Variants in SDK1 observed in about 807,000 individuals in gnomAD.
The protein encoded by SDK1 is sidekick cell adhesion molecule 1, also known as protein sidekick-1.
In SDK1, 157 loss-of-function variants were observed where a neutral mutation model predicts 245.5. The observed-to-expected ratio is 0.64, with a 90% CI of 0.56 to 0.73. The LOEUF (loss-of-function observed/expected upper bound fraction) is 0.73. Among genes scored for constraint, SDK1 ranks in the 30% least tolerant of loss-of-function variants. The pLI is 0.00. For synonymous variants in SDK1, 1,647 were observed against 1,278.5 expected, an observed-to-expected ratio of 1.29 and a Z score of -6.15; for missense variants, 3,583 against 3,002.3, an observed-to-expected ratio of 1.19 and a Z score of -4.52.
chr7:4,164,479 G>T (rs1781367766), intron 32 of SDK1, among the ~76,000 whole-genome samples: 1 of 152,174 alleles, frequency 6.6e-6, no homozygotes, highest in South Asian at 2.1e-4. Flanking sequence ...AAATGGAAAT[G>T]CAAAGTCCCA....
chr7:3,335,804 T>A (rs1355445741), intron 1 of SDK1, among the ~76,000 whole-genome samples: 2 of 151,850 alleles, frequency 1.3e-5, no homozygotes, highest in African/African-American at 4.8e-5. Context: ...GATGAAGAAA[T>A]GGGAATGGGC....
At chr7:4,200,533 G>T (rs189899125) in intron 35 of SDK1, among the ~76,000 whole-genome samples, 3 of 152,230 alleles carry the variant, frequency 2.0e-5, no homozygotes, top group African/African-American at 7.2e-5. Context: ...AAGTTCGACC[G>T]GGGAAGGATG....
At chr7:3,741,502 G>T in intron 4 of SDK1, among the ~76,000 whole-genome samples, 1 of 152,172 alleles carries the variant, frequency 6.6e-6, no homozygotes, top group East Asian at 1.9e-4. Context: ...TAAAACTGTT[G>T]TGTATGTATT....
At chr7:3,514,016 C>G (rs1782658100) in intron 1 of SDK1, among the ~76,000 whole-genome samples, 2 of 152,182 alleles carry the variant, frequency 1.3e-5, no homozygotes, top group African/African-American at 4.8e-5. Context: ...ACCATGTTCT[C>G]TTTATTCAGT....
At chr7:3,598,693 T>C (rs1008180034) in intron 1 of SDK1, among the ~76,000 whole-genome samples, 8 of 152,236 alleles carry the variant, frequency 5.3e-5, no homozygotes, top group African/African-American at 1.4e-4. Flanking sequence ...AAGAATATTA[T>C]ATAAAAGGAA....
chr7:3,811,711 G>A (rs569365051), intron 4 of SDK1, among the ~76,000 whole-genome samples: 3 of 152,298 alleles, frequency 2.0e-5, no homozygotes, highest in East Asian at 3.9e-4. Flanking sequence ...CTGCCTGGCC[G>A]TGCAGAAGCC....
At chr7:3,628,451 T>C (rs1782185624) in intron 2 of SDK1, among the ~76,000 whole-genome samples, 1 of 152,178 alleles carries the variant, frequency 6.6e-6, no homozygotes, top group Non-Finnish European at 1.5e-5. Context: ...CATCAGTGTA[T>C]GTAGTTCCCT....
intron 17 of SDK1, among the ~76,000 whole-genome samples, chr7:4,034,126 C>T (rs566897936): frequency 6.6e-6 from 1 of 152,104 alleles, no homozygotes; most frequent in Non-Finnish European, 1.5e-5. Flanking sequence ...AAGCCTGAAT[C>T]AAGTTAAAAA....
chr7:3,436,350 A>G (rs989484429), intron 1 of SDK1, among the ~76,000 whole-genome samples: 5 of 152,196 alleles, frequency 3.3e-5, no homozygotes, highest in Admixed American at 6.5e-5. Flanking sequence ...ATTGGTTTTC[A>G]TTGAACTTAA....
chr7:3,543,583 C>T (rs1382577410), intron 1 of SDK1, among the ~76,000 whole-genome samples: 2 of 152,168 alleles, frequency 1.3e-5, no homozygotes, highest in Non-Finnish European at 2.9e-5. Context: ...TCTGGAAACT[C>T]GCAAGATGTC....
chr7:3,920,998 A>G (rs377620222), intron 5 of SDK1, among the ~76,000 whole-genome samples: 8 of 152,190 alleles, frequency 5.3e-5, no homozygotes, highest in African/African-American at 1.9e-4. Flanking sequence ...ACTATAGATC[A>G]AGTTTGCAAT....
intron 20 of SDK1, among the ~76,000 whole-genome samples, chr7:4,068,168 A>T (rs1780020481): frequency 6.6e-6 from 1 of 152,116 alleles, no homozygotes; most frequent in Admixed American, 6.5e-5. Context: ...ATAGTTTGAG[A>T]TCTGTTCTCC....
intron 1 of SDK1, among the ~76,000 whole-genome samples, chr7:3,489,112 C>A (rs1781792309): frequency 6.6e-6 from 1 of 152,082 alleles, no homozygotes; most frequent in Admixed American, 6.6e-5. Flanking sequence ...ATATTCTCTC[C>A]CTGCAGACAT....
intron 7 of SDK1, among the ~76,000 whole-genome samples, chr7:3,958,638 T>C (rs1488960806): frequency 6.6e-6 from 1 of 152,234 alleles, no homozygotes; most frequent in African/African-American, 2.4e-5. Context: ...ATATAAACCT[T>C]TACGAACCTC....
chr7:3,801,961 C>A (rs1779117448), intron 4 of SDK1, among the ~76,000 whole-genome samples: 2 of 152,228 alleles, frequency 1.3e-5, no homozygotes, highest in Admixed American at 6.5e-5. Context: ...TTTCTGCTTT[C>A]ATGGATTGAG....
chr7:3,757,439 G>A (rs932415522), intron 4 of SDK1, among the ~76,000 whole-genome samples: 1 of 152,060 alleles, frequency 6.6e-6, no homozygotes, highest in Non-Finnish European at 1.5e-5. Context: ...GTCTCACTGT[G>A]TTGCCTAGGC....
intron 5 of SDK1, among the ~76,000 whole-genome samples, chr7:3,936,712 C>A (rs1780174117): frequency 1.3e-5 from 2 of 152,096 alleles, no homozygotes; most frequent in African/African-American, 4.8e-5. Context: ...TGTATTTAAC[C>A]CCAATGGGGG....
At chr7:3,960,916 A>G (rs1265157353) in intron 8 of SDK1, among the ~76,000 whole-genome samples, 1 of 152,252 alleles carries the variant, frequency 6.6e-6, no homozygotes, top group Non-Finnish European at 1.5e-5. Flanking sequence ...AAATAAGAGT[A>G]TACAATACTG....
At chr7:3,656,456 C>A (rs1445031611) in intron 4 of SDK1, among the ~76,000 whole-genome samples, 1 of 152,172 alleles carries the variant, frequency 6.6e-6, no homozygotes, top group Non-Finnish European at 1.5e-5. Flanking sequence ...AAGTCACTCC[C>A]GAAGTGCAAA....
Sources: allele counts gnomAD v4.1 joint callset (sites outside exome capture counted in the v4.1 genomes callset), GRCh38; gene constraint gnomAD v4.1.1; transcripts MANE v1.5; gene names NCBI Gene and HGNC (gene_info 2026-07-23, HGNC 2026-07-21).